Variants in ANKRD11 observed in about 807,000 individuals in gnomAD.
The protein encoded by ANKRD11 is ankyrin repeat domain-containing protein 11.
A neutral mutation model predicts 195.7 loss-of-function variants in ANKRD11; 17 were observed. The ratio of observed to expected loss-of-function variants is 0.09; its 90% CI spans 0.06 to 0.13. The LOEUF is 0.13. ANKRD11 is among the 10% of genes least tolerant of loss of function. The pLI is 1.00. For missense variants in ANKRD11, 3,735 were observed against 3,566.1 expected (o/e 1.05, Z -1.21); for synonymous variants, 1,953 against 1,528.1 (o/e 1.28, Z -6.49).
intron 1 of ANKRD11, among the ~76,000 whole-genome samples, chr16:89,443,790 G>A (rs2043643928): frequency 6.6e-6 from 1 of 152,210 alleles, no homozygotes; most frequent in African/African-American, 2.4e-5. Context: ...CCATGACCAA[G>A]ATGCATTAAG....
chr16:89,486,906 G>A (rs1177341278), intron 1 of ANKRD11, among the ~76,000 whole-genome samples: 1 of 151,960 alleles, frequency 6.6e-6, no homozygotes, highest in Non-Finnish European at 1.5e-5. Context: ...CTACTTGGGA[G>A]GCTGAGGCAG....
At chr16:89,456,361 C>A (rs893985721) in intron 1 of ANKRD11, among the ~76,000 whole-genome samples, 12 of 151,698 alleles carry the variant, frequency 7.9e-5, no homozygotes, top group African/African-American at 2.9e-4. Flanking sequence ...CCAGCCTAAC[C>A]AACATGGAAA....
chr16:89,395,706 TCAA>T (rs937391687), intron 2 of ANKRD11: 6 of 152,204 alleles, frequency 3.9e-5, no homozygotes, highest in African/African-American at 7.2e-5. Context: ...CCTGATTCAT[TCAA>T]CAACATTTTC....
At chr16:89,392,094 G>GA (rs1217717303) in intron 2 of ANKRD11, among the ~76,000 whole-genome samples, 10 of 152,138 alleles carry the variant, frequency 6.6e-5, no homozygotes. Flanking sequence ...GACAAATACA[G>GA]AATGTGAGGT....
intron 2 of ANKRD11, among the ~76,000 whole-genome samples, chr16:89,351,129 G>T (rs1206429260): frequency 6.6e-6 from 1 of 152,204 alleles, no homozygotes; most frequent in African/African-American, 2.4e-5. Flanking sequence ...AGAATGCACG[G>T]GAGTGGACGA....
At chr16:89,308,332 T>C (rs2036415057) in intron 3 of ANKRD11, among the ~76,000 whole-genome samples, 1 of 152,156 alleles carries the variant, frequency 6.6e-6, no homozygotes, top group South Asian at 2.1e-4. Flanking sequence ...AGGCCTGGGA[T>C]AAAATTCCAC....
chr16:89,437,759 C>T (rs888893784), intron 1 of ANKRD11, among the ~76,000 whole-genome samples: 6 of 152,150 alleles, frequency 3.9e-5, no homozygotes, highest in Non-Finnish European at 8.8e-5. Flanking sequence ...CCCATGCATC[C>T]GCTCCTCCGC....
At chr16:89,484,242 T>C (rs1047136239) in intron 1 of ANKRD11, among the ~76,000 whole-genome samples, 2 of 152,170 alleles carry the variant, frequency 1.3e-5, no homozygotes, top group Non-Finnish European at 2.9e-5. Flanking sequence ...ATTTCCTGTT[T>C]TGCAAGATGT....
At chr16:89,373,537 G>A (rs535966110) in intron 2 of ANKRD11, 1 of 152,384 alleles carries the variant, frequency 6.6e-6, no homozygotes, top group Admixed American at 6.5e-5. Context: ...GCTGCAAGGG[G>A]AGGCTAAATA....
intron 2 of ANKRD11, among the ~76,000 whole-genome samples, chr16:89,341,400 A>T (rs957685337): frequency 4.6e-5 from 7 of 152,212 alleles, no homozygotes; most frequent in African/African-American, 1.7e-4. Flanking sequence ...GGTTGGAGGG[A>T]TAAGGCCCCA....
At position 89,428,321 on chromosome 16, in the gene ANKRD11, C is replaced by A. The variant is rs569224605; in HGVS notation, c.-144-9953G>T. Among the ~76,000 whole-genome samples, 113 of 151,680 alleles carry A rather than the reference C, an allele frequency of 7.4e-4. 1 individual carries two copies. In the South Asian group the frequency reaches 0.02, roughly 27 times the overall value. Reference sequence around the variant, plus strand: ...CGGGCAGATCAGAAGGTCAGGAGATCGAGACCATCCTGGCCAACACGGTGA... The same window carrying A: ...CGGGCAGATCAGAAGGTCAGGAGATAGAGACCATCCTGGCCAACACGGTGA... On this transcript the variant is annotated intron_variant, in intron 1 of 12. Transcript: ENST00000301030.
chr16:89,441,562 T>C (rs1021765062), intron 1 of ANKRD11, among the ~76,000 whole-genome samples: 18 of 151,922 alleles, frequency 1.2e-4, no homozygotes, highest in African/African-American at 3.4e-4. Flanking sequence ...GGTCAGCAGA[T>C]GGAGACCATC....
At chr16:89,472,401 G>A (rs1246471280) in intron 1 of ANKRD11, among the ~76,000 whole-genome samples, 2 of 152,264 alleles carry the variant, frequency 1.3e-5, no homozygotes, top group East Asian at 1.9e-4. Flanking sequence ...AAAAAAAACC[G>A]TCTCAGACTC....
At position 89,284,219 on chromosome 16, in the gene ANKRD11, T is replaced by C. The variant is rs1433932089; in HGVS notation, c.2323A>G (p.Lys775Glu). The part of the protein sequence containing the change: ...RKKKSKDRPS[K>E]LEKKNDLKED... ...TTTAAATCATTCTTCTTCTCTAATTTTGAGGGCCGGTCTTTTGATTTCTTC... is the reference window on the plus strand; with the variant it reads ...TTTAAATCATTCTTCTTCTCTAATTCTGAGGGCCGGTCTTTTGATTTCTTC... The change falls in exon 9 of 13, where the codon AAA becomes GAA. Residue 775 changes from lysine to glutamate, a missense_variant. Transcript: ENST00000301030. The C allele has an allele frequency of 5.0e-6, 8 of 1,612,506 alleles. No individual in the cohort carries two copies. The highest frequency in any genetic ancestry group is 6.8e-6 in the Non-Finnish European group (8 of 1,179,758).
rs745321412 is a variant in ANKRD11, at chr16:89,485,324, A to T, written c.-145+4921T>A. 1.3e-3 allele frequency among the ~76,000 whole-genome samples: 121 copies of T among 91,014 alleles called. 1 individual carries two copies. Among genetic ancestry groups the T allele is most frequent in the Non-Finnish European group, 2.0e-3 (79 of 39,168 alleles). 59.7% of individuals were successfully genotyped at this position (91,014 alleles called of 152,430 possible). ...CATGGGGAAACCCCATCTCTACTTT[A>T]AAAAAAAAAAAAAAAAAACACTAAC... is the stretch of plus-strand genomic sequence containing the variant. On this transcript the variant is annotated intron_variant, in intron 1 of 12. Coordinates refer to ENST00000301030, the MANE Select transcript of ANKRD11 (RefSeq NM_013275.6).
chr16:89,318,505 G>T (rs938162489), intron 2 of ANKRD11, among the ~76,000 whole-genome samples: 2 of 152,202 alleles, frequency 1.3e-5, no homozygotes, highest in Non-Finnish European at 2.9e-5. Flanking sequence ...TCGCTCCCCT[G>T]CATTTACCCA....
At chr16:89,461,684 T>C (rs994037442) in intron 1 of ANKRD11, among the ~76,000 whole-genome samples, 9 of 152,298 alleles carry the variant, frequency 5.9e-5, no homozygotes, top group African/African-American at 1.9e-4. Flanking sequence ...AAGGAAAAGC[T>C]CATAGAATTA....
chr16:89,399,858 A>G (rs988003775), intron 2 of ANKRD11, among the ~76,000 whole-genome samples: 1 of 152,204 alleles, frequency 6.6e-6, no homozygotes, highest in African/African-American at 2.4e-5. Flanking sequence ...GTCCCAGAGC[A>G]CAGGGCTTGG....
At position 89,283,044 on chromosome 16, in the gene ANKRD11, C is replaced by T. The variant is rs1029942631; in HGVS notation, c.3498G>A (p.Lys1166=). The change falls in exon 9 of 13, where the codon AAG becomes AAA. Residue 1166 remains lysine (K), a synonymous_variant. Transcript: ENST00000301030. This position sits in a 1 kb window ranked among gnomAD's most constrained non-coding sequence, Gnocchi z 4.3. The part of the protein sequence containing the change: ...REAYASDRHR[K]SSDKQHPERQ... The stretch of plus-strand genomic sequence containing the variant: ...TCTCAGGGTGCTGCTTGTCAGAAGA[C>T]TTCCTGTGTCTGTCGGAGGCATAGG... 7 of 1,613,932 alleles carry T rather than the reference C, an allele frequency of 4.3e-6. No individual in the cohort carries two copies. In the East Asian group the frequency reaches 8.9e-5, roughly 21 times the overall value.
Sources: gnomAD v4.1 joint callset for allele counts (sites outside exome capture counted in the v4.1 genomes callset) on GRCh38, gnomAD v4.1.1 for gene constraint, Gnocchi (gnomAD v3.1) non-coding constraint, MANE v1.5 for transcripts, NCBI Gene and HGNC (gene_info 2026-07-23, HGNC 2026-07-21) for gene names.